The following PRELID2 variants were observed in gnomAD, a reference collection of about 807,000 sequenced individuals.
PRELID2 encodes PRELI domain-containing protein 2.
Under a neutral mutation model 28.4 loss-of-function variants are expected in PRELID2, and 25 were observed. That is an observed-to-expected ratio of 0.88 (90% CI 0.64 to 1.23). The LOEUF is 1.23. Among genes scored for constraint, PRELID2 ranks in the 50% most tolerant of loss-of-function variants. PRELID2 has a pLI of 0.00. For missense variants in PRELID2, 201 were observed against 214.4 expected, an observed-to-expected ratio of 0.94 and a Z score of 0.39; for synonymous variants, 76 against 71.6, an observed-to-expected ratio of 1.06 and a Z score of -0.31.
the PRELID2 span, among the ~76,000 whole-genome samples, chr5:145,346,415 C>T: frequency 6.6e-6 from 1 of 152,098 alleles, no homozygotes; most frequent in Non-Finnish European, 1.5e-5. Flanking sequence ...ACTAACATTG[C>T]CCATTGCATT....
chr5:145,626,101 T>G (rs1753840949), intron 1 of PRELID2, among the ~76,000 whole-genome samples: 1 of 152,068 alleles, frequency 6.6e-6, no homozygotes, highest in South Asian at 2.1e-4. Context: ...AGAAAAAAAC[T>G]CTTGTGAACT....
intron 1 of PRELID2, among the ~76,000 whole-genome samples, chr5:145,742,238 T>C (rs1292687203): frequency 7.1e-6 from 1 of 140,238 alleles, no homozygotes; most frequent in African/African-American, 2.6e-5. Context: ...AAATAAAATA[T>C]ATTTTTATAT....
the PRELID2 span, among the ~76,000 whole-genome samples, chr5:145,311,693 C>A: frequency 6.6e-6 from 1 of 152,128 alleles, no homozygotes; most frequent in African/African-American, 2.4e-5. Context: ...GCATGGTAAA[C>A]AAACATTCTT....
intron 1 of PRELID2, among the ~76,000 whole-genome samples, chr5:145,551,980 C>A (rs1752840082): frequency 6.6e-6 from 1 of 152,114 alleles, no homozygotes; most frequent in Non-Finnish European, 1.5e-5. Flanking sequence ...TGGACTGAAC[C>A]TCTCCTGAAA....
intron 5 of PRELID2, chr5:145,795,859 T>C (rs1752709333): frequency 6.6e-6 from 1 of 152,100 alleles, no homozygotes; most frequent in Non-Finnish European, 1.5e-5. Flanking sequence ...ATGGAAAAGC[T>C]CTACTTAAAA....
intron 1 of PRELID2, chr5:145,826,005 G>A: frequency 2.0e-6 from 2 of 984,986 alleles, no homozygotes; most frequent in Middle Eastern, 5.2e-4. Context: ...TACCTGGGAA[G>A]ACAGGAGGCA....
At chr5:145,253,009 T>C in the PRELID2 span, among the ~76,000 whole-genome samples, 7 of 152,134 alleles carry the variant, frequency 4.6e-5, no homozygotes, top group Non-Finnish European at 8.8e-5. Context: ...TTAAGATTGA[T>C]AGAAATTATT....
chr5:145,823,271 G>T, intron 1 of PRELID2, 137 bp from the exon 2 acceptor site: 1 of 557,686 alleles, frequency 1.8e-6, no homozygotes. Context: ...TTGAATCATG[G>T]ATCTTAATTT....
the PRELID2 span, among the ~76,000 whole-genome samples, chr5:145,349,903 A>G: frequency 6.6e-6 from 1 of 152,174 alleles, no homozygotes; most frequent in Non-Finnish European, 1.5e-5. Flanking sequence ...TAGGATTTAC[A>G]TCAATATTTA....
intron 5 of PRELID2, among the ~76,000 whole-genome samples, chr5:145,776,336 C>T (rs1201742968): frequency 6.6e-6 from 1 of 152,154 alleles, no homozygotes; most frequent in Non-Finnish European, 1.5e-5. Context: ...TGCCTGTGTT[C>T]AAGTAACTCT....
intron 1 of PRELID2, among the ~76,000 whole-genome samples, chr5:145,553,721 G>T (rs116723625): frequency 1.3e-3 from 203 of 152,278 alleles, no homozygotes; most frequent in African/African-American, 4.9e-3. Context: ...TTTTAGATCA[G>T]ATAATGTATG....
intron 1 of PRELID2, among the ~76,000 whole-genome samples, chr5:145,603,230 GATAA>G (rs1210411534): frequency 6.9e-6 from 1 of 144,330 alleles, no homozygotes; most frequent in Admixed American, 7.0e-5. Flanking sequence ...ACATATTCAA[GATAA>G]ATAAAAGCTA....
the PRELID2 span, among the ~76,000 whole-genome samples, chr5:145,302,215 A>G: frequency 6.6e-6 from 1 of 151,576 alleles, no homozygotes; most frequent in East Asian, 1.9e-4. Context: ...GCTGGAGTGC[A>G]ATGGCTCAAT....
chr5:145,424,542 C>T, the PRELID2 span, among the ~76,000 whole-genome samples: 1 of 152,226 alleles, frequency 6.6e-6, no homozygotes, highest in Non-Finnish European at 1.5e-5. Context: ...AGAAAGGGAA[C>T]TCCCTGACCC....
At chr5:145,510,461 G>C (rs78867305) in intron 1 of PRELID2, among the ~76,000 whole-genome samples, 9 of 152,158 alleles carry the variant, frequency 5.9e-5, no homozygotes, top group Non-Finnish European at 1.2e-4. Context: ...AGGCCTCAGA[G>C]GGGGAGGCAT....
At chr5:145,531,286 T>A (rs2126661461) in intron 1 of PRELID2, among the ~76,000 whole-genome samples, 1 of 152,282 alleles carries the variant, frequency 6.6e-6, no homozygotes, top group South Asian at 2.1e-4. Flanking sequence ...CCTTGACTGT[T>A]CTGACACAGA....
rs1423577359 is a variant in PRELID2 at position 145,817,206 on chromosome 5, A to ATATATAT, written c.368+687_368+688insATATATA. On this transcript the variant is annotated intron_variant, in intron 4 of 6. Transcript: ENST00000683046. ...ACTGCATTTCAAAAAAAAATAAATA[A>ATATATAT]ATAAATAAAAAAAAATATATATATA... Among the ~76,000 whole-genome samples the ATATATAT allele has an allele frequency of 5.3e-3, 329 of 62,530 alleles. 9 individuals carry two copies. Among genetic ancestry groups the ATATATAT allele is most frequent in the Non-Finnish European group, 8.8e-3 (214 of 24,416 alleles). The allele number at this position is 62,530 out of a possible 152,430, so 41.0% of individuals were successfully genotyped here.
intron 1 of PRELID2, among the ~76,000 whole-genome samples, chr5:145,542,828 T>C (rs1752755735): frequency 6.6e-6 from 1 of 151,846 alleles, no homozygotes; most frequent in African/African-American, 2.4e-5. Context: ...TTTTCTTTCT[T>C]TCTATTATAC....
chr5:145,830,577 A>G lies in PRELID2; in HGVS notation c.75+4600T>C, dbSNP rs1755517326. On this transcript the variant is annotated intron_variant, in intron 1 of 6. Coordinates refer to ENST00000683046, the MANE Select transcript of PRELID2 (RefSeq NM_205846.3). ...GAAACAGTGGTAAGTGATAAGAGCT[A>G]GAAAGCTAAGAATCACACAAAGAAA... is the stretch of plus-strand genomic sequence containing the variant. Among the ~76,000 whole-genome samples, 6 of 152,364 alleles carry G rather than the reference A, an allele frequency of 3.9e-5. No individual in the cohort carries two copies. In the South Asian group the frequency reaches 1.2e-3, roughly 32 times the overall value.
Sources: allele counts gnomAD v4.1 joint callset (sites outside exome capture counted in the v4.1 genomes callset), GRCh38; gene constraint gnomAD v4.1.1; transcripts MANE v1.5; gene names NCBI Gene and HGNC (gene_info 2026-07-23, HGNC 2026-07-21).